Variants in EPHA6 observed in about 807,000 individuals in gnomAD.
The protein encoded by EPHA6 is EPH receptor A6, also known as ephrin type-A receptor 6.
EPHA6 carries 50 observed loss-of-function variants against 112.0 expected under a neutral mutation model. The observed-to-expected ratio is 0.45, with a 90% CI of 0.36 to 0.56. EPHA6 has a LOEUF of 0.56. Ranked by LOEUF, EPHA6 falls within the 20% of genes least tolerant of loss-of-function variation. The pLI is 0.00. For synonymous variants in EPHA6, 529 were observed against 490.7 expected (o/e 1.08, Z -1.03); for missense variants, 1,280 against 1,417.4 (o/e 0.90, Z 1.56).
chr3:96,979,265 T>C (rs1333821658), intron 2 of EPHA6, among the ~76,000 whole-genome samples: 2 of 142,816 alleles, frequency 1.4e-5, no homozygotes, highest in Non-Finnish European at 3.0e-5. Flanking sequence ...GTGTTATCAT[T>C]GTTCAATTCC....
intron 5 of EPHA6, among the ~76,000 whole-genome samples, chr3:97,338,660 T>G (rs2108850205): frequency 6.6e-6 from 1 of 152,288 alleles, no homozygotes; most frequent in South Asian, 2.1e-4. Flanking sequence ...TTATATCACG[T>G]AATTGAGATA....
At chr3:97,313,981 C>T (rs900351423) in intron 5 of EPHA6, among the ~76,000 whole-genome samples, 2 of 151,588 alleles carry the variant, frequency 1.3e-5, no homozygotes, top group Non-Finnish European at 3.0e-5. Flanking sequence ...GAGCTTTCTT[C>T]CTATGTTTTC....
chr3:96,850,965 T>A (rs558337378), intron 1 of EPHA6, among the ~76,000 whole-genome samples: 30 of 152,228 alleles, frequency 2.0e-4, no homozygotes, highest in African/African-American at 6.7e-4. Flanking sequence ...TCAAGTATTT[T>A]AAAAATAATT....
intron 3 of EPHA6, among the ~76,000 whole-genome samples, chr3:97,085,868 G>C (rs181012329): frequency 1.3e-5 from 2 of 148,808 alleles, no homozygotes; most frequent in African/African-American, 2.5e-5. Context: ...AAGTTCTCTC[G>C]TAGAAATTGA....
chr3:97,384,299 CAG>C (rs1273536544), intron 5 of EPHA6, among the ~76,000 whole-genome samples: 1 of 152,076 alleles, frequency 6.6e-6, no homozygotes, highest in East Asian at 1.9e-4. Context: ...ATGAAGGAAA[CAG>C]AGAAGTTACC....
chr3:96,944,745 T>TC (rs1471377695), intron 2 of EPHA6, among the ~76,000 whole-genome samples: 3 of 152,094 alleles, frequency 2.0e-5, no homozygotes, highest in African/African-American at 7.2e-5. Context: ...ATTGAGACCA[T>TC]CCTGGCCAAC....
chr3:97,405,344 G>T (rs957830835), intron 6 of EPHA6, 70 bp downstream of exon 6: 2 of 1,317,808 alleles, frequency 1.5e-6, no homozygotes, highest in East Asian at 2.6e-5. Context: ...TGAGCATGTC[G>T]TTATACTATA....
chr3:97,326,153 C>G (rs533428483), intron 5 of EPHA6, among the ~76,000 whole-genome samples: 1 of 151,870 alleles, frequency 6.6e-6, no homozygotes, highest in South Asian at 2.1e-4. Flanking sequence ...ATTTGTGACT[C>G]TCAGGGAATT....
chr3:97,539,034 T>TCTTTCTTTCTTTCTTG (rs1489446940), intron 11 of EPHA6, among the ~76,000 whole-genome samples: 1 of 142,038 alleles, frequency 7.0e-6, no homozygotes, highest in Non-Finnish European at 1.5e-5. Context: ...TTTCTTTCTT[T>TCTTTCTTTCTTTCTTG]CTTGCTTTCT....
intron 10 of EPHA6, among the ~76,000 whole-genome samples, chr3:97,488,661 T>TTA (rs2091758625): frequency 6.6e-6 from 1 of 152,190 alleles, no homozygotes; most frequent in Admixed American, 6.5e-5. Context: ...ACAATTCTCT[T>TTA]TATATATATA....
intron 5 of EPHA6, among the ~76,000 whole-genome samples, chr3:97,309,898 TTAAC>T (rs2081477372): frequency 6.6e-6 from 1 of 151,726 alleles, no homozygotes; most frequent in Non-Finnish European, 1.5e-5. Flanking sequence ...AGTTGTTGAC[TTAAC>T]TGTTTACAGT....
At chr3:97,408,916 A>T (rs1314127054) in intron 6 of EPHA6, among the ~76,000 whole-genome samples, 2 of 152,088 alleles carry the variant, frequency 1.3e-5, no homozygotes, top group Admixed American at 1.3e-4. Context: ...TTATTTGTGG[A>T]TCTGGACTTC....
intron 3 of EPHA6, among the ~76,000 whole-genome samples, chr3:97,023,031 C>T (rs1421425453): frequency 6.6e-6 from 1 of 152,140 alleles, no homozygotes; most frequent in African/African-American, 2.4e-5. Flanking sequence ...TTGGTCATTG[C>T]TTTCATGCCG....
chr3:97,075,074 C>A (rs923389989), intron 3 of EPHA6, among the ~76,000 whole-genome samples: 1 of 151,756 alleles, frequency 6.6e-6, no homozygotes, highest in South Asian at 2.1e-4. Flanking sequence ...GCAATTAGGA[C>A]TACTTGCAGC....
At chr3:96,833,486 T>C (rs1023843381) in intron 1 of EPHA6, among the ~76,000 whole-genome samples, 1 of 151,946 alleles carries the variant, frequency 6.6e-6, no homozygotes, top group African/African-American at 2.4e-5. Flanking sequence ...TACTTTGCCA[T>C]AGCAGCTCTA....
At chr3:97,481,680 GCCCCGCACCGC>G (rs2091556321) in intron 9 of EPHA6, among the ~76,000 whole-genome samples, 1 of 106,368 alleles carries the variant, frequency 9.4e-6, no homozygotes, top group Admixed American at 9.6e-5. Flanking sequence ...GCCCGGCCCC[GCCCCGCACCGC>G]CCCGGCCCCG....
intron 12 of EPHA6, among the ~76,000 whole-genome samples, chr3:97,593,321 C>T (rs955879081): frequency 2.0e-5 from 3 of 152,116 alleles, no homozygotes; most frequent in Non-Finnish European, 2.9e-5. Context: ...AATGCAATTT[C>T]AAATTTACTA....
chr3:97,732,529 C>A (rs1172430843), intron 15 of EPHA6, among the ~76,000 whole-genome samples: 3 of 151,950 alleles, frequency 2.0e-5, no homozygotes, highest in African/African-American at 7.2e-5. Flanking sequence ...AATATCTATC[C>A]GTTTGGATGA....
intron 1 of EPHA6, among the ~76,000 whole-genome samples, chr3:96,816,766 A>G (rs1357524570): frequency 1.3e-5 from 2 of 152,038 alleles, no homozygotes; most frequent in Non-Finnish European, 2.9e-5. Flanking sequence ...AAATGACCCT[A>G]AAGTGCCATT....
Sources: allele counts gnomAD v4.1 joint callset (sites outside exome capture counted in the v4.1 genomes callset), GRCh38; gene constraint gnomAD v4.1.1; transcripts MANE v1.5; gene names NCBI Gene and HGNC (gene_info 2026-07-23, HGNC 2026-07-21).